ABL2: variants seen among roughly 807,000 people sequenced by gnomAD.
ABL2 encodes tyrosine-protein kinase ABL2.
Under a neutral mutation model 107.7 loss-of-function variants are expected in ABL2, and 49 were observed. That is an observed-to-expected ratio of 0.45 (90% CI 0.36 to 0.58). ABL2 has a LOEUF of 0.58. Ranked by LOEUF, ABL2 falls within the 20% of genes least tolerant of loss-of-function variation. The probability of loss-of-function intolerance (pLI) is 0.00; values close to 1 mark genes in which losing one functional copy is unlikely to be tolerated. For synonymous variants in ABL2, 549 were observed against 548.6 expected (o/e 1.00, Z -0.01); for missense variants, 1,245 against 1,457.0 (o/e 0.85, Z 2.37).
At chr1:179,109,571 A>G in intron 11 of ABL2, 130 bp from the exon 12 acceptor site, 2 of 1,355,374 alleles carry the variant, frequency 1.5e-6, no homozygotes, top group Non-Finnish European at 2.0e-6. Context: ...CTCAGAAGCA[A>G]ATAATAAATA....
chr1:179,165,572 C>T (rs1659329343), intron 1 of ABL2, among the ~76,000 whole-genome samples: 1 of 152,106 alleles, frequency 6.6e-6, no homozygotes, highest in South Asian at 2.1e-4. Context: ...GAATGTCACA[C>T]TACGAAGTTC....
At chr1:179,123,023 G>C (rs1375148730) in intron 4 of ABL2, among the ~76,000 whole-genome samples, 1 of 152,152 alleles carries the variant, frequency 6.6e-6, no homozygotes, top group Non-Finnish European at 1.5e-5. Context: ...GTAAAGAAGA[G>C]ATACCCTGAT....
At chr1:179,197,541 T>C (rs941418208) in intron 1 of ABL2, among the ~76,000 whole-genome samples, 6 of 129,060 alleles carry the variant, frequency 4.6e-5, no homozygotes, top group Non-Finnish European at 6.4e-5. Flanking sequence ...TCTTCCAGAA[T>C]ACACCTGCTT....
chr1:179,195,286 T>TC (rs1199721449), intron 1 of ABL2, among the ~76,000 whole-genome samples: 1 of 151,616 alleles, frequency 6.6e-6, no homozygotes. Flanking sequence ...AAACTCTGTC[T>TC]CAAAAAAAAC....
intron 1 of ABL2, among the ~76,000 whole-genome samples, chr1:179,223,353 C>T (rs1159861308): frequency 6.7e-6 from 1 of 149,362 alleles, no homozygotes; most frequent in African/African-American, 2.5e-5. Context: ...TTTGAGGCTG[C>T]AGTGAGCTAT....
Position 179,103,132 on chromosome 1 carries a change from T to C in ABL2, c.*4586A>G. On this transcript the variant is annotated 3_prime_UTR_variant, in exon 12 of 12. Transcript: ENST00000502732. Reference sequence around the variant, plus strand: ...TTGGAAGAGCTTCTGTGTTCTGGAGTGAGTACACATTCTTACTTTTTAAAG... The same window carrying C: ...TTGGAAGAGCTTCTGTGTTCTGGAGCGAGTACACATTCTTACTTTTTAAAG... The C allele has an allele frequency of 4.6e-6, 1 of 219,234 alleles. No individual in the cohort carries two copies. The highest frequency in any genetic ancestry group is 9.1e-6 in the Non-Finnish European group (1 of 109,316). 13.6% of individuals were successfully genotyped at this position (219,234 alleles called of 1,614,324 possible). A position where few individuals can be genotyped will look rare whatever the true frequency, so the allele number is the denominator to read the frequency against.
chr1:179,102,946 C>T lies in ABL2; in HGVS notation c.*4772G>A, dbSNP rs1653226832. 1 of 226,590 alleles carries T rather than the reference C, an allele frequency of 4.4e-6. No individual in the cohort carries two copies. Among genetic ancestry groups the T allele is most frequent in the South Asian group, 1.8e-4 (1 of 5,478 alleles). The allele number at this position is 226,590 out of a possible 1,614,324, so 14.0% of individuals were successfully genotyped here. On this transcript the variant is annotated 3_prime_UTR_variant, in exon 12 of 12. Coordinates refer to ENST00000502732, the MANE Select transcript of ABL2 (RefSeq NM_007314.4). Reference sequence around the variant, plus strand: ...TGGTTTTATGGCCATCCACCTCCCCCTGTAAACCTAACAAAACTATGCAGG... The same window carrying T: ...TGGTTTTATGGCCATCCACCTCCCCTTGTAAACCTAACAAAACTATGCAGG...
rs1309225982 is a variant in ABL2 at position 179,106,390 on chromosome 1, C to T, written c.*1328G>A. 11 of 231,534 alleles carry T rather than the reference C, an allele frequency of 4.8e-5. No homozygotes were observed. The highest frequency in any genetic ancestry group is 7.7e-5 in the Non-Finnish European group (9 of 117,098). The allele number at this position is 231,534 out of a possible 1,614,324, so 14.3% of individuals were successfully genotyped here. A position where few individuals can be genotyped will look rare whatever the true frequency, so the allele number is the denominator to read the frequency against. On this transcript the variant is annotated 3_prime_UTR_variant, in exon 12 of 12. Transcript: ENST00000502732. The stretch of plus-strand genomic sequence containing the variant: ...ACCTGGTGCTCCCTGAAAATGACTA[C>T]TCCTTCAATTATGCATTCTTAAAAT...
chr1:179,184,966 C>T (rs150129804), intron 1 of ABL2, among the ~76,000 whole-genome samples: 1 of 152,074 alleles, frequency 6.6e-6, no homozygotes, highest in Admixed American at 6.5e-5. Context: ...CTAGCTCTGT[C>T]GGAAAAAAAG....
Position 179,117,423 on chromosome 1 carries a change from AT to A in ABL2, c.1316del (p.Tyr439LeufsTer60). ...GLSRLMTGDT[Y>X]TAHAGAKFPI... The stretch of plus-strand genomic sequence containing the variant: ...GAAATTTGGCTCCAGCATGAGCAGT[AT>A]AAGTGTCTCCAGTCATCAATCTACT... On this transcript the variant is annotated frameshift_variant, in exon 8 of 12. Coordinates refer to ENST00000502732, the MANE Select transcript of ABL2 (RefSeq NM_007314.4). LOFTEE classifies it high-confidence loss of function. The A allele has an allele frequency of 6.2e-7, 1 of 1,614,216 alleles. No homozygotes were observed. Among genetic ancestry groups the A allele is most frequent in the Non-Finnish European group, 8.5e-7 (1 of 1,180,020 alleles).
At chr1:179,170,749 C>G (rs931920593) in intron 1 of ABL2, among the ~76,000 whole-genome samples, 1 of 152,198 alleles carries the variant, frequency 6.6e-6, no homozygotes, top group Non-Finnish European at 1.5e-5. Context: ...CACCTGCCAC[C>G]ATGCCTGGCT....
chr1:179,155,230 C>T (rs1054022339), intron 1 of ABL2, among the ~76,000 whole-genome samples: 1 of 152,166 alleles, frequency 6.6e-6, no homozygotes, highest in African/African-American at 2.4e-5. Context: ...GCCCCAAAGT[C>T]GGCTGATCTT....
At chr1:179,181,476 C>A (rs1469311749) in intron 1 of ABL2, among the ~76,000 whole-genome samples, 1 of 152,074 alleles carries the variant, frequency 6.6e-6, no homozygotes, top group Non-Finnish European at 1.5e-5. Flanking sequence ...AGCTTTGTGA[C>A]CTTGGGAAAA....
intron 1 of ABL2, among the ~76,000 whole-genome samples, chr1:179,210,345 A>C (rs888172379): frequency 6.0e-5 from 9 of 149,896 alleles, no homozygotes; most frequent in Non-Finnish European, 8.9e-5. Context: ...ACCTCTACCA[A>C]AAATACAAAA....
Position 179,102,425 on chromosome 1 carries a change from C to T in ABL2, c.*5293G>A, listed in dbSNP as rs1464972731. 4.5e-6 allele frequency: 1 copy of T among 221,340 alleles called. No homozygotes were observed. Among genetic ancestry groups the T allele is most frequent in the Admixed American group, 5.8e-5 (1 of 17,376 alleles). 13.7% of individuals were successfully genotyped at this position (221,340 alleles called of 1,614,324 possible). ...AAGTTCTCACATACTCCTACGGATCCCAGACTGAAGCAGGAATTTACAAAG... is the reference window on the plus strand; with the variant it reads ...AAGTTCTCACATACTCCTACGGATCTCAGACTGAAGCAGGAATTTACAAAG... On this transcript the variant is annotated 3_prime_UTR_variant, in exon 12 of 12. Coordinates refer to ENST00000502732, the MANE Select transcript of ABL2 (RefSeq NM_007314.4).
intron 1 of ABL2, chr1:179,201,464 C>A: frequency 9.6e-6 from 2 of 208,272 alleles, no homozygotes. Context: ...TGAGAAAAAT[C>A]CCTTTAAGAT....
rs115559074 is a variant in ABL2 at position 179,201,649 on chromosome 1, G to A, written c.157+27592C>T. ...ATGGATACCCAAGAGTCTTCCTTTC[G>A]GGATAGCGTGTCCTCTTGTGCACAT... On this transcript the variant is annotated intron_variant, in intron 1 of 11. Transcript: ENST00000502732. 1.9e-3 allele frequency: 960 copies of A among 492,560 alleles called. 10 individuals carry two copies. The highest frequency in any genetic ancestry group is 0.017 in the African/African-American group (855 of 50,004). 30.5% of individuals were successfully genotyped at this position (492,560 alleles called of 1,614,324 possible). A position where few individuals can be genotyped will look rare whatever the true frequency, so the allele number is the denominator to read the frequency against.
Position 179,178,401 on chromosome 1 carries a change from C to CAA in ABL2, c.158-45029_158-45028dup, listed in dbSNP as rs572438530. 2.2e-3 allele frequency among the ~76,000 whole-genome samples: 148 copies of CAA among 68,644 alleles called. 8 individuals are homozygous for CAA. Among genetic ancestry groups the CAA allele is most frequent in the East Asian group, 1.8e-3 (4 of 2,194 alleles). 45.0% of individuals were successfully genotyped at this position (68,644 alleles called of 152,430 possible). A position where few individuals can be genotyped will look rare whatever the true frequency, so the allele number is the denominator to read the frequency against. On this transcript the variant is annotated intron_variant, in intron 1 of 11. Transcript: ENST00000502732. ...TGGGTGACAGAGCAAGACTCTGCCT[C>CAA]AAAAAAAAAAAAAAAAAAATTATTT...
intron 1 of ABL2, among the ~76,000 whole-genome samples, chr1:179,180,418 G>T (rs1007820010): frequency 6.6e-6 from 1 of 152,166 alleles, no homozygotes; most frequent in African/African-American, 2.4e-5. Flanking sequence ...TGCCACGAAG[G>T]TTCTAGAGGA....
Sources: gnomAD v4.1 joint callset for allele counts (sites outside exome capture counted in the v4.1 genomes callset) on GRCh38, gnomAD v4.1.1 for gene constraint, MANE v1.5 for transcripts, NCBI Gene and HGNC (gene_info 2026-07-23, HGNC 2026-07-21) for gene names.